Variants in LRRC69 observed in about 807,000 individuals in gnomAD.
LRRC69 encodes the protein leucine rich repeat containing 69.
LRRC69 carries 42 observed loss-of-function variants against 37.8 expected under a neutral mutation model. That is an observed-to-expected ratio of 1.11 (90% confidence interval 0.87 to 1.44). The LOEUF (loss-of-function observed/expected upper bound fraction) is 1.44. LRRC69 is among the 40% of genes most tolerant of loss of function. The probability of loss-of-function intolerance (pLI) is 0.00; values close to 1 mark genes in which losing one functional copy is unlikely to be tolerated. For synonymous variants in LRRC69, 141 were observed against 143.1 expected (o/e 0.99, Z 0.11); for missense variants, 357 against 401.9 (o/e 0.89, Z 0.96).
exon 4 of LRRC69, chr8:91,133,150 C>T: frequency 6.6e-7 from 1 of 1,524,308 alleles, no homozygotes. Flanking sequence ...TTATAACCAA[C>T]TAGCCAGCAT....
intron 5 of LRRC69, among the ~76,000 whole-genome samples, chr8:91,159,629 T>A (rs1808901313): frequency 1.3e-5 from 2 of 151,186 alleles, no homozygotes; most frequent in Admixed American, 6.6e-5. Context: ...TGACAAATCA[T>A]GTTAATAGCT....
chr8:91,218,531 C>T (rs73697150), intron 7 of LRRC69, among the ~76,000 whole-genome samples: 3,148 of 152,144 alleles, frequency 0.021, 99 homozygotes, highest in African/African-American at 0.072. Context: ...AAGTTCAGTA[C>T]GTATTTGCTG....
intron 5 of LRRC69, among the ~76,000 whole-genome samples, chr8:91,186,453 C>G (rs1398419052): frequency 6.7e-6 from 1 of 150,292 alleles, no homozygotes; most frequent in Non-Finnish European, 1.5e-5. Flanking sequence ...TGGCATGAGT[C>G]ATAACTGTGA....
chr8:91,205,313 C>T (rs954836490), intron 7 of LRRC69, among the ~76,000 whole-genome samples: 3 of 152,002 alleles, frequency 2.0e-5, no homozygotes, highest in African/African-American at 4.8e-5. Context: ...ACGTTACTGG[C>T]CTGTTTACTT....
chr8:91,216,869 A>G (rs1024021762), intron 7 of LRRC69, among the ~76,000 whole-genome samples: 11 of 152,208 alleles, frequency 7.2e-5, no homozygotes, highest in African/African-American at 2.6e-4. Flanking sequence ...TTTATAGTTT[A>G]TACTGTATTG....
intron 7 of LRRC69, among the ~76,000 whole-genome samples, chr8:91,202,851 G>A (rs181993118): frequency 5.9e-5 from 9 of 152,290 alleles, no homozygotes. Context: ...TAGAGGGCAA[G>A]GAAGTGAGAT....
intron 5 of LRRC69, among the ~76,000 whole-genome samples, chr8:91,179,291 G>T (rs1175840087): frequency 2.0e-5 from 3 of 152,196 alleles, no homozygotes; most frequent in Non-Finnish European, 4.4e-5. Flanking sequence ...GGAAAGCAAA[G>T]GGGGAGCGGG....
intron 5 of LRRC69, among the ~76,000 whole-genome samples, chr8:91,148,514 G>C (rs1388311563): frequency 6.6e-6 from 1 of 151,876 alleles, no homozygotes; most frequent in African/African-American, 2.4e-5. Flanking sequence ...CCAAGTCTTT[G>C]CTATCGTGAA....
intron 7 of LRRC69, among the ~76,000 whole-genome samples, chr8:91,210,395 A>G (rs1032837389): frequency 6.6e-5 from 10 of 152,154 alleles, no homozygotes; most frequent in African/African-American, 2.4e-4. Flanking sequence ...TGATGATACC[A>G]TTACTCCCAA....
At chr8:91,168,311 T>C (rs1404250733) in intron 5 of LRRC69, among the ~76,000 whole-genome samples, 6 of 151,828 alleles carry the variant, frequency 4.0e-5, no homozygotes, top group Admixed American at 3.3e-4. Flanking sequence ...AAATATGTGA[T>C]TGATATACAA....
At chr8:91,118,132 A>ACCCATTACTGGGTGTGCTC in intron 1 of LRRC69, 1 of 455,324 alleles carries the variant, frequency 2.2e-6, no homozygotes, top group Non-Finnish European at 4.4e-6. Flanking sequence ...TAAAAGTGCT[A>ACCCATTACTGGGTGTGCTC]CCCATTACTG....
upstream of LRRC69, chr8:91,102,619 G>A: frequency 6.9e-7 from 1 of 1,455,376 alleles, no homozygotes; most frequent in Non-Finnish European, 9.2e-7. Context: ...GTATAATAAA[G>A]AACTCTAATG....
At chr8:91,214,806 AT>A (rs766125366) in intron 7 of LRRC69, among the ~76,000 whole-genome samples, 894 of 144,214 alleles carry the variant, frequency 6.2e-3, no homozygotes, top group Middle Eastern at 0.018. Context: ...CTTGACAGAA[AT>A]TTTTTTTTTT....
At chr8:91,212,316 T>G (rs1586293151) in intron 7 of LRRC69, among the ~76,000 whole-genome samples, 1 of 152,006 alleles carries the variant, frequency 6.6e-6, no homozygotes, top group East Asian at 2.0e-4. Flanking sequence ...TTTCATTTCT[T>G]ATAGTTTCGT....
intron 1 of LRRC69, among the ~76,000 whole-genome samples, chr8:91,112,634 T>C (rs1813427863): frequency 6.6e-6 from 1 of 152,002 alleles, no homozygotes; most frequent in Non-Finnish European, 1.5e-5. Flanking sequence ...AACATCATCA[T>C]CAGTGGGGAA....
At chr8:91,166,653 T>G (rs959061360) in intron 5 of LRRC69, among the ~76,000 whole-genome samples, 2 of 151,786 alleles carry the variant, frequency 1.3e-5, no homozygotes, top group African/African-American at 4.8e-5. Context: ...ATATAGCTTG[T>G]GTTAAATATT....
At chr8:91,176,132 A>ATTTTTT (rs1331458493) in intron 5 of LRRC69, among the ~76,000 whole-genome samples, 26 of 15,190 alleles carry the variant, frequency 1.7e-3, no homozygotes, top group African/African-American at 4.0e-3. Context: ...ATATATATAT[A>ATTTTTT]TATTTTTTTT....
At chr8:91,123,756 T>G (rs1191605697) in intron 1 of LRRC69, among the ~76,000 whole-genome samples, 1 of 151,948 alleles carries the variant, frequency 6.6e-6, no homozygotes, top group African/African-American at 2.4e-5. Context: ...ATAATTAGAT[T>G]TTACAACAAA....
chr8:91,151,001 G>T (rs1808726145), intron 5 of LRRC69, among the ~76,000 whole-genome samples: 1 of 151,512 alleles, frequency 6.6e-6, no homozygotes, highest in South Asian at 2.1e-4. Flanking sequence ...TCTTGCTAGT[G>T]GTCTATCAAT....
Sources: gnomAD v4.1 joint callset for allele counts (sites outside exome capture counted in the v4.1 genomes callset) on GRCh38, gnomAD v4.1.1 for gene constraint, MANE v1.5 for transcripts, NCBI Gene and HGNC (gene_info 2026-07-23, HGNC 2026-07-21) for gene names.